MIR2052HG: variants seen among roughly 807,000 people sequenced by gnomAD.
MIR2052HG encodes the protein MIR2052 host gene.
At chr8:74,634,348 A>G (rs1424480930) in intron 2 of MIR2052HG, among the ~76,000 whole-genome samples, 1 of 152,200 alleles carries the variant, frequency 6.6e-6, no homozygotes, top group East Asian at 1.9e-4. Flanking sequence ...GTTTACATAG[A>G]CAACCTATGC....
intron 2 of MIR2052HG, among the ~76,000 whole-genome samples, chr8:74,696,420 G>C (rs956037375): frequency 1.4e-4 from 21 of 151,908 alleles, no homozygotes; most frequent in Non-Finnish European, 2.7e-4. Context: ...GGAGCTAGAG[G>C]AACAAGAACA....
At chr8:74,641,522 T>G (rs906410311) in intron 2 of MIR2052HG, among the ~76,000 whole-genome samples, 5 of 152,196 alleles carry the variant, frequency 3.3e-5, no homozygotes, top group Non-Finnish European at 7.4e-5. Flanking sequence ...ACTACAAAAA[T>G]TGCATTCATA....
chr8:74,711,402 A>C (rs1809466593), intron 4 of MIR2052HG, among the ~76,000 whole-genome samples: 1 of 152,190 alleles, frequency 6.6e-6, no homozygotes, highest in African/African-American at 2.4e-5. Flanking sequence ...TAATCATTTT[A>C]CTGAATGAAT....
chr8:74,647,606 G>T (rs1294261117), intron 2 of MIR2052HG, among the ~76,000 whole-genome samples: 1 of 152,142 alleles, frequency 6.6e-6, no homozygotes, highest in Non-Finnish European at 1.5e-5. Context: ...ACTGAAATTG[G>T]AAATCATATA....
chr8:74,666,611 T>C (rs1028860216), intron 2 of MIR2052HG, among the ~76,000 whole-genome samples: 1 of 152,202 alleles, frequency 6.6e-6, no homozygotes, highest in Non-Finnish European at 1.5e-5. Context: ...AATGAATGTC[T>C]TGTAGACCTT....
Position 74,673,910 on chromosome 8 carries a change from T to TATATATATATATATAC in MIR2052HG, n.217-28468_217-28467insTATATATATATATACA, listed in dbSNP as rs1485340799. The stretch of plus-strand genomic sequence containing the variant: ...TTGTATATATATATATATATATATA[T>TATATATATATATATAC]ACACACACAAAATATCTATCTATAT... On this transcript the variant is annotated intron_variant and non_coding_transcript_variant, in intron 2 of 6. Coordinates refer to ENST00000523442, the Ensembl canonical transcript of MIR2052HG. Among the ~76,000 whole-genome samples, 582 of 133,126 alleles carry TATATATATATATATAC rather than the reference T, an allele frequency of 4.4e-3. 7 individuals carry two copies. Among genetic ancestry groups the TATATATATATATATAC allele is most frequent in the African/African-American group, 0.019 (551 of 29,442 alleles). The allele number at this position is 133,126 out of a possible 152,430, so 87.3% of individuals were successfully genotyped here.
chr8:74,652,867 C>T (rs1808767650), intron 2 of MIR2052HG, among the ~76,000 whole-genome samples: 1 of 152,128 alleles, frequency 6.6e-6, no homozygotes. Context: ...AAGTGGGTAG[C>T]TGACTGCAGC....
chr8:74,710,243 G>C (rs1336927651), intron 4 of MIR2052HG, among the ~76,000 whole-genome samples: 2 of 152,084 alleles, frequency 1.3e-5, no homozygotes, highest in Non-Finnish European at 1.5e-5. Flanking sequence ...GTGGGTCAGG[G>C]ATGTTCAGTG....
intron 1 of MIR2052HG, among the ~76,000 whole-genome samples, chr8:74,611,247 A>G (rs1057337656): frequency 6.6e-6 from 1 of 152,144 alleles, no homozygotes; most frequent in Non-Finnish European, 1.5e-5. Flanking sequence ...AGGGAAATGG[A>G]AAGTAAAACA....
chr8:74,661,437 C>T (rs1284989225), intron 2 of MIR2052HG, among the ~76,000 whole-genome samples: 1 of 152,004 alleles, frequency 6.6e-6, no homozygotes, highest in Non-Finnish European at 1.5e-5. Context: ...TCCTGACCTC[C>T]TGATCCGCCC....
intron 2 of MIR2052HG, among the ~76,000 whole-genome samples, chr8:74,662,789 G>T (rs1808879245): frequency 1.3e-5 from 2 of 151,274 alleles, no homozygotes; most frequent in Admixed American, 6.6e-5. Flanking sequence ...GGGCACTTTT[G>T]GTTCCTAAGC....
chr8:74,730,019 A>C (rs903886574), intron 4 of MIR2052HG, among the ~76,000 whole-genome samples: 1 of 152,176 alleles, frequency 6.6e-6, no homozygotes, highest in African/African-American at 2.4e-5. Context: ...ACTTTTACTT[A>C]TCTGTTACTG....
At chr8:74,686,602 G>C (rs1809183644) in intron 2 of MIR2052HG, among the ~76,000 whole-genome samples, 1 of 152,066 alleles carries the variant, frequency 6.6e-6, no homozygotes, top group Non-Finnish European at 1.5e-5. Context: ...CCTTGGGTAA[G>C]TTTCTTGAAT....
chr8:74,679,230 T>C (rs1484936411), intron 2 of MIR2052HG, among the ~76,000 whole-genome samples: 1 of 152,106 alleles, frequency 6.6e-6, no homozygotes, highest in Non-Finnish European at 1.5e-5. Flanking sequence ...GAGTAGTCTT[T>C]TATCTCTCAC....
At chr8:74,605,810 T>A (rs1360417687) in intron 1 of MIR2052HG, among the ~76,000 whole-genome samples, 1 of 151,248 alleles carries the variant, frequency 6.6e-6, no homozygotes, top group African/African-American at 2.4e-5. Context: ...ATAAACGACC[T>A]TCTAATTGTT....
chr8:74,634,068 G>A (rs117477717), intron 2 of MIR2052HG, among the ~76,000 whole-genome samples: 3,578 of 152,290 alleles, frequency 0.023, 82 homozygotes, highest in South Asian at 0.089. Flanking sequence ...ATTTCAGTAA[G>A]GTGGAGAGGC....
Position 74,702,347 on chromosome 8 carries a change from G to T in MIR2052HG, n.217-32G>T, listed in dbSNP as rs762995657. 11 of 441,758 alleles carry T rather than the reference G, an allele frequency of 2.5e-5. 1 individual carries two copies. Among genetic ancestry groups the T allele is most frequent in the South Asian group, 1.6e-4 (10 of 62,492 alleles). The allele number at this position is 441,758 out of a possible 1,614,324, so 27.4% of individuals were successfully genotyped here. Reference sequence around the variant, plus strand: ...AGATACAATGACCTTGATGTACTTTGTACCCTAACTCTCACTAGCTTCCTT... The same window carrying T: ...AGATACAATGACCTTGATGTACTTTTTACCCTAACTCTCACTAGCTTCCTT... On this transcript the variant is annotated intron_variant and non_coding_transcript_variant, in intron 2 of 6. Transcript: ENST00000523442.
At chr8:74,742,528 T>C (rs980673128) in intron 4 of MIR2052HG, among the ~76,000 whole-genome samples, 6 of 152,148 alleles carry the variant, frequency 3.9e-5, no homozygotes, top group Admixed American at 3.3e-4. Context: ...TATAATTAGG[T>C]GACAAATGTA....
chr8:74,754,314 C>T (rs1447265981), intron 5 of MIR2052HG, among the ~76,000 whole-genome samples: 3 of 152,216 alleles, frequency 2.0e-5, no homozygotes, highest in Non-Finnish European at 4.4e-5. Flanking sequence ...TTGATTACCA[C>T]TTTAGAAAAC....
Sources: gnomAD v4.1 joint callset for allele counts (sites outside exome capture counted in the v4.1 genomes callset) on GRCh38, gnomAD v4.1.1 for gene constraint, MANE v1.5 for transcripts, NCBI Gene and HGNC (gene_info 2026-07-23, HGNC 2026-07-21) for gene names.